The following KCTD19 variants were observed in gnomAD, a reference collection of about 807,000 sequenced individuals.
The protein encoded by KCTD19 is potassium channel tetramerization domain containing 19.
Under a neutral mutation model 103.5 loss-of-function variants are expected in KCTD19, and 67 were observed. That is an observed-to-expected ratio of 0.65 (90% CI 0.53 to 0.79). The LOEUF is 0.79. Ranked by LOEUF, KCTD19 falls within the 30% of genes least tolerant of loss-of-function variation. The pLI is 0.00. For synonymous variants in KCTD19, 439 were observed against 452.2 expected, an observed-to-expected ratio of 0.97 and a Z score of 0.37; for missense variants, 980 against 1,136.1, an observed-to-expected ratio of 0.86 and a Z score of 1.98.
At chr16:67,302,299 C>T (rs1424784655) in intron 4 of KCTD19, 1 of 216,996 alleles carries the variant, frequency 4.6e-6, no homozygotes, top group Non-Finnish European at 9.2e-6. Context: ...CGAGCCTGGG[C>T]TGGCGGGTGG....
At chr16:67,326,256 C>T (rs989698692) in intron 1 of KCTD19, among the ~76,000 whole-genome samples, 3 of 152,072 alleles carry the variant, frequency 2.0e-5, no homozygotes, top group Admixed American at 6.5e-5. Context: ...GCTAGAACTT[C>T]CTCATGCTCT....
At chr16:67,313,307 A>T (rs1157884024) in intron 2 of KCTD19, among the ~76,000 whole-genome samples, 2 of 152,016 alleles carry the variant, frequency 1.3e-5, no homozygotes, top group Admixed American at 6.6e-5. Context: ...ATGGGGTTTC[A>T]CCATGTTGGC....
At chr16:67,290,831 A>G in intron 15 of KCTD19, 54 bp downstream of exon 15, 2 of 1,484,666 alleles carry the variant, frequency 1.3e-6, no homozygotes, top group Non-Finnish European at 1.8e-6. Context: ...ACACACGTCC[A>G]TCTGAGGCAT....
rs201613304 is a variant in KCTD19 at position 67,291,316 on chromosome 16, C to T, written c.2558G>A (p.Arg853Gln). ...GAGGCCTGTCACACATACCCACAGC[C>T]GATTGGCCAGGGAGACCACCTTGGC... ...ITAKVVSLAN[R>Q]LWTLHISPKQ... Residue 853 changes from arginine (R) to glutamine (Q), a missense_variant, in exon 14 of 16, where the codon CGG (arginine) becomes CAG (glutamine). Coordinates refer to ENST00000304372, the MANE Select transcript of KCTD19 (RefSeq NM_001100915.3). 1.5e-4 allele frequency: 238 copies of T among 1,613,126 alleles called. 1 individual carries two copies. In the African/African-American group the frequency reaches 2.1e-3, roughly 15 times the overall value.
Position 67,303,351 on chromosome 16 carries a change from T to G in KCTD19, c.452-14A>C, listed in dbSNP as rs1398168730. On this transcript the variant is annotated splice_polypyrimidine_tract_variant and intron_variant, in intron 3 of 15. Transcript: ENST00000304372. This position sits in a 1 kb window ranked among gnomAD's most constrained non-coding sequence, Gnocchi z 4.3. ...TATCATGTAGGCCTGGAAGAGAACA[T>G]GCAGGCAGTGTTGCCACCTCTCAGA... 6.3e-7 allele frequency: 1 copy of G among 1,598,496 alleles called. No individual in the cohort carries two copies.
At chr16:67,296,592 T>G (rs2036767877) in intron 7 of KCTD19, among the ~76,000 whole-genome samples, 2 of 152,152 alleles carry the variant, frequency 1.3e-5, no homozygotes, top group Non-Finnish European at 2.9e-5. Context: ...ATGTGGCCAC[T>G]CAGACTGAAG....
In KCTD19 at chr16:67,293,905, T is replaced by A; in HGVS notation, c.1857A>T (p.Thr619=). ...PKKKCTTINL[T]QKSETKDPPA... is the part of the protein sequence containing the mutation. ...GAGGGTCTTTGGTTTCAGATTTCTG[T>A]GTGAGGTTGATTGTGGTGCATTTCT... is the stretch of plus-strand genomic sequence containing the variant. The change falls in exon 12 of 16, where the codon ACA becomes ACT. Residue 619 remains threonine (T), a synonymous_variant. Coordinates refer to ENST00000304372, the MANE Select transcript of KCTD19 (RefSeq NM_001100915.3). The surrounding 1 kb of genome is among the most constrained non-coding windows in gnomAD (Gnocchi z 4.0). The A allele has an allele frequency of 6.2e-7, 1 of 1,613,914 alleles. No homozygotes were observed. Among genetic ancestry groups the A allele is most frequent in the South Asian group, 1.1e-5 (1 of 91,070 alleles).
At chr16:67,319,051 C>T (rs1182104662) in intron 2 of KCTD19, among the ~76,000 whole-genome samples, 2 of 151,902 alleles carry the variant, frequency 1.3e-5, no homozygotes, top group Non-Finnish European at 2.9e-5. Flanking sequence ...AGTGAAACCC[C>T]GTCTCTACTA....
At chr16:67,314,836 G>T (rs868534726) in intron 2 of KCTD19, among the ~76,000 whole-genome samples, 442 of 109,084 alleles carry the variant, frequency 4.1e-3, no homozygotes, top group Middle Eastern at 0.012. Context: ...TATATAGAGA[G>T]AGAGAGAGAG....
chr16:67,305,640 G>A (rs2036884114), intron 2 of KCTD19: 1 of 454,846 alleles, frequency 2.2e-6, no homozygotes, highest in Non-Finnish European at 4.4e-6. Flanking sequence ...CATAACATCA[G>A]CACCCCCTCC....
At chr16:67,307,315 ATT>A (rs149670849) in intron 2 of KCTD19, among the ~76,000 whole-genome samples, 27 of 138,784 alleles carry the variant, frequency 1.9e-4, no homozygotes, top group Non-Finnish European at 2.2e-4. Context: ...CACCCTGCTA[ATT>A]TTTTTTTTTT....
At chr16:67,308,622 T>C (rs1464885627) in intron 2 of KCTD19, among the ~76,000 whole-genome samples, 1 of 152,076 alleles carries the variant, frequency 6.6e-6, no homozygotes, top group African/African-American at 2.4e-5. Context: ...CTCCTCCCCA[T>C]TCTCTTCCTG....
chr16:67,298,142 C>T (rs1460248253), intron 6 of KCTD19, among the ~76,000 whole-genome samples: 2 of 151,926 alleles, frequency 1.3e-5, no homozygotes, highest in East Asian at 1.9e-4. Context: ...TACAGGCACC[C>T]GCCACCATGC....
intron 1 of KCTD19, among the ~76,000 whole-genome samples, chr16:67,325,059 C>T (rs1046324413): frequency 5.3e-5 from 8 of 152,192 alleles, no homozygotes; most frequent in Non-Finnish European, 8.8e-5. Flanking sequence ...GCTTTCTGTT[C>T]TCCTTAAAGG....
intron 10 of KCTD19, 119 bp downstream of exon 10, chr16:67,294,854 C>T: frequency 1.0e-6 from 1 of 979,550 alleles, no homozygotes; most frequent in Non-Finnish European, 1.6e-6. Context: ...CCTGGGCCTG[C>T]TTCACTCCCT....
chr16:67,291,867 C>T (rs755954569), intron 12 of KCTD19, 30 bp from the exon 13 acceptor site: 33 of 1,502,400 alleles, frequency 2.2e-5, no homozygotes, highest in Non-Finnish European at 2.7e-5. Flanking sequence ...AGGGGGCTCT[C>T]CTTTTAAAAA....
intron 1 of KCTD19, among the ~76,000 whole-genome samples, 195 bp from the exon 2 acceptor site, chr16:67,321,080 C>T (rs1177211047): frequency 1.3e-5 from 2 of 152,082 alleles, no homozygotes; most frequent in South Asian, 2.1e-4. Flanking sequence ...AATCCAAGCA[C>T]TTTGGGAGCC....
At chr16:67,311,319 T>C (rs948662908) in intron 2 of KCTD19, among the ~76,000 whole-genome samples, 1 of 152,000 alleles carries the variant, frequency 6.6e-6, no homozygotes, top group African/African-American at 2.4e-5. Context: ...TTTTTTGAGA[T>C]GGAGTCTCAC....
chr16:67,323,690 T>C lies in KCTD19; in HGVS notation c.4-2805A>G, dbSNP rs2037099639. Among the ~76,000 whole-genome samples the C allele has an allele frequency of 6.6e-6, 1 of 152,068 alleles. No homozygotes were observed. Among genetic ancestry groups the C allele is most frequent in the Non-Finnish European group, 1.5e-5 (1 of 68,010 alleles). On this transcript the variant is annotated intron_variant, in intron 1 of 15. Coordinates refer to ENST00000304372, the MANE Select transcript of KCTD19 (RefSeq NM_001100915.3). This position sits in a 1 kb window ranked among gnomAD's most constrained non-coding sequence, Gnocchi z 4.1. ...TTTCTAGAGATAGAAAATAGATTAG[T>C]GGTTGCCTAGGGCTGGAGAGGCTAT...
Sources: allele counts gnomAD v4.1 joint callset (sites outside exome capture counted in the v4.1 genomes callset), GRCh38; gene constraint gnomAD v4.1.1; non-coding constraint Gnocchi (gnomAD v3.1); transcripts MANE v1.5; gene names NCBI Gene and HGNC (gene_info 2026-07-23, HGNC 2026-07-21).